PTBP1: variants seen among roughly 807,000 people sequenced by gnomAD.
PTBP1 encodes polypyrimidine tract-binding protein 1.
Under a neutral mutation model 59.8 loss-of-function variants are expected in PTBP1, and 8 were observed. That is an observed-to-expected ratio of 0.13 (90% CI 0.08 to 0.24). The LOEUF (loss-of-function observed/expected upper bound fraction) is 0.24, where lower values mean the gene tolerates loss of function less well. Among genes scored for constraint, PTBP1 ranks in the 10% least tolerant of loss-of-function variants. The pLI is 1.00. For synonymous variants in PTBP1, 490 were observed against 320.7 expected (o/e 1.53, Z -5.64); for missense variants, 686 against 767.0 (o/e 0.89, Z 1.25).
At chr19:806,318 C>T in intron 9 of PTBP1, 90 bp from the exon 10 acceptor site, 9 of 1,396,358 alleles carry the variant, frequency 6.4e-6, no homozygotes, top group South Asian at 1.5e-5. Flanking sequence ...GGCTCGGCTC[C>T]TCGGTGCATG....
Position 804,040 on chromosome 19 carries a change from C to T in PTBP1, c.120C>T (p.Asn40=), listed in dbSNP as rs137874112. 1.1e-3 allele frequency: 1,831 copies of T among 1,613,956 alleles called. 1 individual carries two copies. Among genetic ancestry groups the T allele is most frequent in the Non-Finnish European group, 1.4e-3 (1,660 of 1,179,978 alleles). The change falls in exon 4 of 15, where the codon AAC becomes AAT. Residue 40 remains asparagine, a synonymous_variant. Transcript: ENST00000356948. ...CTCATGGCACCCCCTTTTCAGCAAACGGAAATGACAGCAAGAAGTTCAAAG... is the reference window on the plus strand; with the variant it reads ...CTCATGGCACCCCCTTTTCAGCAAATGGAAATGACAGCAAGAAGTTCAAAG... ...IMSSNSASAA[N]GNDSKKFKGD... is the part of the protein sequence containing the mutation.
chr19:805,783 A>C lies in PTBP1; in HGVS notation c.970+214A>C, dbSNP rs2034536295. The C allele has an allele frequency of 5.2e-6, 3 of 577,014 alleles. No homozygotes were observed. The Admixed American group carries it at 9.2e-5, about 18-fold the overall frequency. 35.7% of individuals were successfully genotyped at this position (577,014 alleles called of 1,614,324 possible). A position where few individuals can be genotyped will look rare whatever the true frequency, so the allele number is the denominator to read the frequency against. On this transcript the variant is annotated intron_variant, in intron 9 of 14. Transcript: ENST00000356948. Reference sequence around the variant, plus strand: ...TGGAGGCCCACGTGTGGACGGCGCCAGCCAGAAGCCGCTAATCGCACAGTC... The same window carrying C: ...TGGAGGCCCACGTGTGGACGGCGCCCGCCAGAAGCCGCTAATCGCACAGTC...
rs1414648402 is a variant in PTBP1, at chr19:809,487, AT to A, written c.1463+731del. The stretch of plus-strand genomic sequence containing the variant: ...AGGTGCCCGCCAGCACGCCCGGCTA[AT>A]TTTTTGTATTTTTAGTGGAAACGGG... On this transcript the variant is annotated intron_variant, in intron 13 of 14. Transcript: ENST00000356948. Among the ~76,000 whole-genome samples the A allele has an allele frequency of 2.0e-5, 3 of 151,742 alleles. No homozygotes were observed. The East Asian group carries it at 5.8e-4, about 29-fold the overall frequency.
rs752779368 is a variant in PTBP1 at position 810,790 on chromosome 19, C to T, written c.1638C>T (p.His546=). 1.9e-6 allele frequency: 3 copies of T among 1,597,750 alleles called. No homozygotes were observed. The highest frequency in any genetic ancestry group is 2.3e-5 in the East Asian group (1 of 43,774). Residue 546 remains histidine (H), a synonymous_variant, in exon 15 of 15, where the codon CAC becomes CAT. Transcript: ENST00000356948. The part of the protein sequence containing the change: ...DLHNHDLGEN[H]HLRVSFSKST... ...ACAACCACGACCTCGGGGAGAACCA[C>T]CACCTGCGGGTCTCCTTCTCCAAGT...
rs2034482044 is a variant in PTBP1 at position 804,645 on chromosome 19, G to A, written c.549G>A (p.Val183=). Residue 183 remains valine (V), a synonymous_variant, in exon 6 of 15, where the codon GTG becomes GTA. Transcript: ENST00000356948. ...AGMAMAGQSP[V]LRIIVENLFY... ...TGGCGATGGCCGGGCAGAGCCCCGT[G>A]CTCAGGATCATCGTGGAGAACCTCT... 3.1e-6 allele frequency: 5 copies of A among 1,612,928 alleles called. No homozygotes were observed. Among genetic ancestry groups the A allele is most frequent in the East Asian group, 2.2e-5 (1 of 44,884 alleles).
At position 808,864 on chromosome 19, in the gene PTBP1, C is replaced by T. The variant is rs114029271; in HGVS notation, c.1463+102C>T. The T allele has an allele frequency of 3.2e-5, 37 of 1,142,684 alleles. No homozygotes were observed. The African/African-American group carries it at 4.6e-4, about 14-fold the overall frequency. The allele number at this position is 1,142,684 out of a possible 1,614,324, so 70.8% of individuals were successfully genotyped here. A position where few individuals can be genotyped will look rare whatever the true frequency, so the allele number is the denominator to read the frequency against. On this transcript the variant is annotated intron_variant, in intron 13 of 14. Transcript: ENST00000356948. The surrounding 1 kb of genome is among the most constrained non-coding windows in gnomAD (Gnocchi z 4.7). ...GTGGACTTCTGGCGTTTCCAGAGTG[C>T]AGGTCGGGCACCTCTTACCCCAAAC...
chr19:799,940 A>G (rs990458199), intron 2 of PTBP1, among the ~76,000 whole-genome samples: 1 of 151,620 alleles, frequency 6.6e-6, no homozygotes, highest in Non-Finnish European at 1.5e-5. Flanking sequence ...TTTGTTTTTT[A>G]TTTTTGAGAT....
At chr19:799,380 G>A in intron 1 of PTBP1, 33 bp from the exon 2 acceptor site, 1 of 1,612,152 alleles carries the variant, frequency 6.2e-7, no homozygotes, top group East Asian at 2.2e-5. Context: ...GTGGCCACCA[G>A]GCTAACGTTG....
At chr19:806,815 T>C (rs909845491) in intron 10 of PTBP1, 1 of 396,492 alleles carries the variant, frequency 2.5e-6, no homozygotes. Context: ...CCAAAGGCAA[T>C]CTAAAAATTA....
chr19:797,964 G>A (rs1409022259), intron 1 of PTBP1, among the ~76,000 whole-genome samples: 2 of 149,282 alleles, frequency 1.3e-5, no homozygotes, highest in Admixed American at 6.7e-5. Flanking sequence ...TCGGGGGCGC[G>A]CGCCTTTCCC....
rs2034527572 is a variant in PTBP1, at chr19:805,573, T to C, written c.970+4T>C. 1.9e-6 allele frequency: 3 copies of C among 1,612,352 alleles called. No homozygotes were observed. ...TTTGCCATTCCTCAAGCTGCAGGTA[T>C]TCAAACGCTTGGTCTTGGTTCCCCA... On this transcript the variant is annotated splice_donor_region_variant and intron_variant, in intron 9 of 14. Coordinates refer to ENST00000356948, the MANE Select transcript of PTBP1 (RefSeq NM_002819.5).
chr19:800,049 C>T (rs1036158504), intron 2 of PTBP1, among the ~76,000 whole-genome samples: 26 of 151,858 alleles, frequency 1.7e-4, no homozygotes, highest in African/African-American at 6.3e-4. Flanking sequence ...GCCTCAACCT[C>T]CTGAGTAGCC....
intron 13 of PTBP1, among the ~76,000 whole-genome samples, chr19:809,727 AG>A (rs1568276087): frequency 6.6e-6 from 1 of 152,146 alleles, no homozygotes; most frequent in African/African-American, 2.4e-5. Context: ...CTGTCTCTAC[AG>A]GAACAATTGG....
At position 808,343 on chromosome 19, in the gene PTBP1, T is replaced by G; in HGVS notation, c.1154-17T>G. 1 of 1,579,698 alleles carries G rather than the reference T, an allele frequency of 6.3e-7. No homozygotes were observed. The highest frequency in any genetic ancestry group is 1.2e-5 in the South Asian group (1 of 86,936). ...CAGGCAGCAGGAGACTCAGGCCCCA[T>G]CCCTGGGCTTTTGAAGGCGTCTACG... On this transcript the variant is annotated splice_polypyrimidine_tract_variant and intron_variant, in intron 11 of 14. Coordinates refer to ENST00000356948, the MANE Select transcript of PTBP1 (RefSeq NM_002819.5). The surrounding 1 kb of genome is among the most constrained non-coding windows in gnomAD (Gnocchi z 4.7).
At chr19:809,168 C>A (rs961209431) in intron 13 of PTBP1, among the ~76,000 whole-genome samples, 3 of 151,886 alleles carry the variant, frequency 2.0e-5, no homozygotes, top group Non-Finnish European at 4.4e-5. Context: ...ACAACCACAC[C>A]TGGCTAATTT....
At position 806,180 on chromosome 19, in the gene PTBP1, A is replaced by AGGCCC. The variant is rs940200568; in HGVS notation, c.971-216_971-212dup. 2.6e-4 allele frequency: 124 copies of AGGCCC among 469,380 alleles called. 2 individuals carry two copies. Among genetic ancestry groups the AGGCCC allele is most frequent in the East Asian group, 8.5e-4 (22 of 26,034 alleles). 29.1% of individuals were successfully genotyped at this position (469,380 alleles called of 1,614,324 possible). ...GGGCGGGGCGCATGCAGATGAGCCC[A>AGGCCC]GGCCCGGCCCGGCCCGTGCTGTGAG... is the stretch of plus-strand genomic sequence containing the variant. On this transcript the variant is annotated intron_variant, in intron 9 of 14. Transcript: ENST00000356948.
chr19:810,796 G>A lies in PTBP1; in HGVS notation c.1644G>A (p.Leu548=), dbSNP rs2034828033. Residue 548 remains leucine, a synonymous_variant, in exon 15 of 15, where the codon CTG becomes CTA. Transcript: ENST00000356948. ...HNHDLGENHH[L]RVSFSKSTI ...ACGACCTCGGGGAGAACCACCACCT[G>A]CGGGTCTCCTTCTCCAAGTCCACCA... 2.5e-6 allele frequency: 4 copies of A among 1,592,362 alleles called. 1 individual carries two copies. Among genetic ancestry groups the A allele is most frequent in the East Asian group, 2.3e-5 (1 of 43,532 alleles).
intron 1 of PTBP1, 61 bp from the exon 2 acceptor site, chr19:799,352 G>C (rs2034227505): frequency 6.5e-7 from 1 of 1,528,726 alleles, no homozygotes; most frequent in Non-Finnish European, 9.1e-7. Flanking sequence ...GGGGACAGCT[G>C]GGTGCTCCTG....
chr19:806,379 G>T (rs376170282), intron 9 of PTBP1, 29 bp from the exon 10 acceptor site: 24 of 1,578,730 alleles, frequency 1.5e-5, no homozygotes, highest in Non-Finnish European at 2.0e-5. Context: ...CGGGGGCGCC[G>T]CCGCTCATCT....
Sources: allele counts gnomAD v4.1 joint callset (sites outside exome capture counted in the v4.1 genomes callset), GRCh38; gene constraint gnomAD v4.1.1; non-coding constraint Gnocchi (gnomAD v3.1); transcripts MANE v1.5; gene names NCBI Gene and HGNC (gene_info 2026-07-23, HGNC 2026-07-21).